Variants in LARP4 observed in about 807,000 individuals in gnomAD.
LARP4 encodes the protein la-related protein 4.
Under a neutral mutation model 92.9 loss-of-function variants are expected in LARP4, and 29 were observed. The ratio of observed to expected loss-of-function variants is 0.31; its 90% confidence interval spans 0.23 to 0.43. LARP4 has a LOEUF of 0.43. LARP4 is among the 20% of genes least tolerant of loss of function. The pLI is 1.00. For missense variants in LARP4, 732 were observed against 860.0 expected (o/e 0.85, Z 1.86); for synonymous variants, 279 against 284.1 (o/e 0.98, Z 0.18).
intron 10 of LARP4, among the ~76,000 whole-genome samples, chr12:50,459,875 A>G (rs893195668): frequency 6.7e-6 from 1 of 150,200 alleles, no homozygotes; most frequent in Non-Finnish European, 1.5e-5. Flanking sequence ...GTGATGGCTC[A>G]TGCCTGTAAT....
chr12:50,457,812 C>CAAA (rs10639447), intron 10 of LARP4, among the ~76,000 whole-genome samples: 95,004 of 144,860 alleles, frequency 0.66, 36,922 homozygotes, highest in Non-Finnish European at 0.88. Context: ...AGACCTTTCT[C>CAAA]AAAAAAAAAA....
At chr12:50,413,546 C>T (rs1946270716) in intron 1 of LARP4, among the ~76,000 whole-genome samples, 1 of 152,146 alleles carries the variant, frequency 6.6e-6, no homozygotes, top group African/African-American at 2.4e-5. Context: ...TTACGGATTT[C>T]ATTATGTGAA....
chr12:50,475,961 G>T lies in LARP4; in HGVS notation c.*97G>T. The T allele has an allele frequency of 1.0e-6, 1 of 993,066 alleles. No homozygotes were observed. The highest frequency in any genetic ancestry group is 2.5e-5 in the East Asian group (1 of 39,388). 61.5% of individuals were successfully genotyped at this position (993,066 alleles called of 1,614,324 possible). ...TTGGAGGGGAGGGGGTAGCCAGGAA[G>T]GAAACAAGAGAAAGTACGTCCATTT... On this transcript the variant is annotated 3_prime_UTR_variant, in exon 16 of 16. Coordinates refer to ENST00000398473, the MANE Select transcript of LARP4 (RefSeq NM_052879.5).
intron 10 of LARP4, among the ~76,000 whole-genome samples, chr12:50,457,849 C>T (rs1469083547): frequency 6.7e-6 from 1 of 150,246 alleles, no homozygotes; most frequent in East Asian, 1.9e-4. Context: ...AAGTGACATA[C>T]TATTTTCATT....
At chr12:50,473,243 T>C (rs572837747) in intron 13 of LARP4, among the ~76,000 whole-genome samples, 172 bp from the exon 14 acceptor site, 83 of 152,326 alleles carry the variant, frequency 5.4e-4, no homozygotes, top group African/African-American at 2.0e-3. Context: ...ATGTTTGTCT[T>C]TTTTTTAATT....
chr12:50,436,276 C>T (rs963483287), intron 5 of LARP4, among the ~76,000 whole-genome samples: 4 of 151,364 alleles, frequency 2.6e-5, no homozygotes, highest in African/African-American at 9.7e-5. Context: ...CTCAGCCTCC[C>T]AAAATGTTGG....
intron 1 of LARP4, chr12:50,402,696 G>A: frequency 2.2e-6 from 1 of 444,536 alleles, no homozygotes; most frequent in South Asian, 1.6e-5. Context: ...GAGCCCCAGA[G>A]GTTAAAGTAA....
In LARP4 at chr12:50,477,064, T is replaced by TTA. The variant is rs1957586188; in HGVS notation, c.*1201_*1202insAT. 2 of 152,512 alleles carry TTA rather than the reference T, an allele frequency of 1.3e-5. No individual in the cohort carries two copies. Among genetic ancestry groups the TTA allele is most frequent in the African/African-American group, 2.4e-5 (1 of 41,436 alleles). 9.4% of individuals were successfully genotyped at this position (152,512 alleles called of 1,614,324 possible). On this transcript the variant is annotated 3_prime_UTR_variant, in exon 16 of 16. Transcript: ENST00000398473. ...ATTTGGGAGGGGGGACTTATTTCTG[T>TTA]TTACAGTGTATTACCTTCCTTCCCT...
At chr12:50,433,345 C>T (rs1467492855) in intron 4 of LARP4, among the ~76,000 whole-genome samples, 24 of 148,474 alleles carry the variant, frequency 1.6e-4, no homozygotes, top group Non-Finnish European at 3.0e-5. Context: ...TTGTCATGAT[C>T]CATCACATCC....
intron 14 of LARP4, among the ~76,000 whole-genome samples, 183 bp from the exon 15 acceptor site, chr12:50,473,789 CGGGGGGTGGGGGTGGGTGGGGGGGTGG>C (rs1414546269): frequency 7.5e-4 from 7 of 9,366 alleles, no homozygotes; most frequent in African/African-American, 2.2e-3. Context: ...TTGCTTGAAC[CGGGGGGTGGGGGTGGGTGGGGGGGTGG>C]GGGGGGTGGG....
At chr12:50,416,925 A>G (rs1166104801) in intron 1 of LARP4, among the ~76,000 whole-genome samples, 1 of 152,092 alleles carries the variant, frequency 6.6e-6, no homozygotes, top group South Asian at 2.1e-4. Context: ...CTGAAGTGCT[A>G]CTGCACTCCA....
chr12:50,422,977 T>A (rs1376182763), intron 1 of LARP4, among the ~76,000 whole-genome samples: 1 of 151,738 alleles, frequency 6.6e-6, no homozygotes, highest in African/African-American at 2.4e-5. Context: ...GCCACCATGC[T>A]TGGCTAATTT....
intron 8 of LARP4, among the ~76,000 whole-genome samples, chr12:50,442,169 A>G (rs1381713631): frequency 6.6e-6 from 1 of 152,274 alleles, no homozygotes; most frequent in Non-Finnish European, 1.5e-5. Flanking sequence ...TTCAAATAGC[A>G]TGAGGTTTAA....
chr12:50,440,475 A>G lies in LARP4; in HGVS notation c.676A>G (p.Lys226Glu). 1 of 1,614,034 alleles carries G rather than the reference A, an allele frequency of 6.2e-7. No individual in the cohort carries two copies. The highest frequency in any genetic ancestry group is 2.2e-5 in the East Asian group (1 of 44,866). The part of the protein sequence containing the change: ...KGLFKSENCP[K>E]VISCEFAHNS... ...TTTGTTCAAAAGTGAAAACTGCCCCAAAGTGATAAGCTGTGAGTTTGCACA... is the reference window on the plus strand; with the variant it reads ...TTTGTTCAAAAGTGAAAACTGCCCCGAAGTGATAAGCTGTGAGTTTGCACA... Residue 226 changes from lysine to glutamate, a missense_variant, in exon 7 of 16, where the codon AAA becomes GAA. Lys to Glu is a moderately conservative substitution (Grantham distance 56). Transcript: ENST00000398473.
At position 50,400,990 on chromosome 12, in the gene LARP4, T is replaced by C. The variant is rs749168180; in HGVS notation, c.-21T>C. 2.5e-6 allele frequency: 4 copies of C among 1,613,856 alleles called. No homozygotes were observed. Among genetic ancestry groups the C allele is most frequent in the Admixed American group, 3.3e-5 (2 of 59,970 alleles). On this transcript the variant is annotated 5_prime_UTR_variant, in exon 1 of 16. Transcript: ENST00000398473. ...GTTGGAGTTGCGGCGGCGGGAACGATTGGGCTGAGCAGAGGACGACATGTT... is the reference window on the plus strand; with the variant it reads ...GTTGGAGTTGCGGCGGCGGGAACGACTGGGCTGAGCAGAGGACGACATGTT...
intron 1 of LARP4, among the ~76,000 whole-genome samples, chr12:50,417,864 T>C (rs555222972): frequency 1.6e-4 from 24 of 152,040 alleles, no homozygotes; most frequent in Non-Finnish European, 3.4e-4. Flanking sequence ...TGGCTCATTT[T>C]TTTTTCTTGT....
At chr12:50,427,989 A>ATT in intron 2 of LARP4, 80 bp downstream of exon 2, 1 of 620,142 alleles carries the variant, frequency 1.6e-6, no homozygotes, top group Non-Finnish European at 2.3e-6. Context: ...CTTGAGACAC[A>ATT]TCTCTTTTTT....
At chr12:50,457,109 G>C (rs1182338827) in intron 10 of LARP4, among the ~76,000 whole-genome samples, 1 of 151,684 alleles carries the variant, frequency 6.6e-6, no homozygotes, top group Non-Finnish European at 1.5e-5. Context: ...TCATCATGTT[G>C]GCCAGGATGG....
In LARP4 at chr12:50,477,589, T is replaced by G. The variant is rs1314681596; in HGVS notation, c.*1725T>G. On this transcript the variant is annotated 3_prime_UTR_variant, in exon 16 of 16. Coordinates refer to ENST00000398473, the MANE Select transcript of LARP4 (RefSeq NM_052879.5). ...TTGGAGATACATGTTAGTGGTTAACTGTTAAGAGCTTTGAAAACACTGCAC... is the reference window on the plus strand; with the variant it reads ...TTGGAGATACATGTTAGTGGTTAACGGTTAAGAGCTTTGAAAACACTGCAC... The G allele has an allele frequency of 6.6e-6, 1 of 152,566 alleles. No individual in the cohort carries two copies. Among genetic ancestry groups the G allele is most frequent in the East Asian group, 1.9e-4 (1 of 5,204 alleles). 9.5% of individuals were successfully genotyped at this position (152,566 alleles called of 1,614,324 possible).
Sources: allele counts gnomAD v4.1 joint callset (sites outside exome capture counted in the v4.1 genomes callset), GRCh38; gene constraint gnomAD v4.1.1; transcripts MANE v1.5; gene names NCBI Gene and HGNC (gene_info 2026-07-23, HGNC 2026-07-21).